Variants in COL4A2 observed in about 807,000 individuals in gnomAD.
COL4A2 encodes collagen alpha-2(IV) chain.
Under a neutral mutation model 200.2 loss-of-function variants are expected in COL4A2, and 99 were observed. That is an observed-to-expected ratio of 0.49 (90% CI 0.42 to 0.58). The LOEUF (loss-of-function observed/expected upper bound fraction) is 0.58. COL4A2 is among the 20% of genes least tolerant of loss of function. COL4A2 has a pLI of 0.00. For missense variants in COL4A2, 1,950 were observed against 2,314.1 expected (o/e 0.84, Z 3.23); for synonymous variants, 897 against 900.6 (o/e 1.00, Z 0.07).
intron 29 of COL4A2, among the ~76,000 whole-genome samples, chr13:110,477,350 G>T (rs1882741060): frequency 6.6e-6 from 1 of 152,262 alleles, no homozygotes; most frequent in African/African-American, 2.4e-5. Context: ...TTTTGCTTCA[G>T]TGCTAACGCT....
chr13:110,321,129 T>C (rs1323790723), intron 3 of COL4A2, among the ~76,000 whole-genome samples: 2 of 151,994 alleles, frequency 1.3e-5, no homozygotes, highest in Non-Finnish European at 2.9e-5. Context: ...AAGATAATCT[T>C]ACTAATGTCA....
chr13:110,391,859 G>C (rs1214556082), intron 4 of COL4A2, among the ~76,000 whole-genome samples: 1 of 152,196 alleles, frequency 6.6e-6, no homozygotes, highest in African/African-American at 2.4e-5. Flanking sequence ...TGGACTGCTG[G>C]TTCTCTTCAG....
At position 110,480,349 on chromosome 13, in the gene COL4A2, T is replaced by A. The variant is rs1337120386; in HGVS notation, c.2717T>A (p.Phe906Tyr). ...GEQGHPGSPG[F>Y]KGIDGMPGTP... ...CAAGGCCATCCAGGAAGCCCTGGATTTAAAGGAATTGATGGAATGCCTGGG... is the reference window on the plus strand; with the variant it reads ...CAAGGCCATCCAGGAAGCCCTGGATATAAAGGAATTGATGGAATGCCTGGG... The change falls in exon 31 of 48, where the codon TTT becomes TAT. Residue 906 changes from phenylalanine to tyrosine, a missense_variant. Phe to Tyr is a conservative substitution (Grantham distance 22, BLOSUM62 3). Transcript: ENST00000360467. 6.2e-7 allele frequency: 1 copy of A among 1,613,256 alleles called. No individual in the cohort carries two copies. Among genetic ancestry groups the A allele is most frequent in the African/African-American group, 1.3e-5 (1 of 74,842 alleles).
intron 6 of COL4A2, among the ~76,000 whole-genome samples, chr13:110,427,906 T>TA (rs1208358567): frequency 2.6e-5 from 4 of 152,238 alleles, no homozygotes; most frequent in African/African-American, 9.6e-5. Flanking sequence ...AGGCCATTGA[T>TA]AAAATCACGT....
At chr13:110,491,170 G>A (rs1883271117) in intron 36 of COL4A2, 63 bp from the exon 37 acceptor site, 2 of 1,167,962 alleles carry the variant, frequency 1.7e-6, no homozygotes, top group South Asian at 2.6e-5. Context: ...TAGAGCCGGG[G>A]TTCCAGGGAA....
chr13:110,320,772 G>A (rs1329345184), intron 3 of COL4A2, among the ~76,000 whole-genome samples: 2 of 152,142 alleles, frequency 1.3e-5, no homozygotes, highest in Admixed American at 6.5e-5. Flanking sequence ...CCTTTTTATA[G>A]CACCTTTCAA....
chr13:110,430,296 G>A, intron 8 of COL4A2, 105 bp from the exon 9 acceptor site: 1 of 1,466,090 alleles, frequency 6.8e-7, no homozygotes, highest in Non-Finnish European at 9.2e-7. Context: ...GGTCCTGATA[G>A]GGCTGATCTG....
At chr13:110,484,867 G>C (rs551438417) in intron 32 of COL4A2, 38 bp from the exon 33 acceptor site, 1 of 1,568,394 alleles carries the variant, frequency 6.4e-7, no homozygotes, top group East Asian at 2.3e-5. Context: ...GCGTGGTCTG[G>C]AGCCCCCAGA....
Position 110,512,357 on chromosome 13 carries a change from G to A in COL4A2, c.*166G>A. 8.2e-7 allele frequency: 1 copy of A among 1,224,010 alleles called. No individual in the cohort carries two copies. The highest frequency in any genetic ancestry group is 1.6e-5 in the South Asian group (1 of 61,260). The allele number at this position is 1,224,010 out of a possible 1,614,324, so 75.8% of individuals were successfully genotyped here. On this transcript the variant is annotated 3_prime_UTR_variant, in exon 48 of 48. Coordinates refer to ENST00000360467, the MANE Select transcript of COL4A2 (RefSeq NM_001846.4). The stretch of plus-strand genomic sequence containing the variant: ...ACCTGCCAGCCACTGTCACCGAGCG[G>A]GTGCAAGCACTCGGGGTCCCTGGAG...
intron 6 of COL4A2, among the ~76,000 whole-genome samples, chr13:110,428,103 T>C (rs1322692118): frequency 6.6e-6 from 1 of 152,220 alleles, no homozygotes; most frequent in African/African-American, 2.4e-5. Context: ...CTTCCTGTTA[T>C]CCCTGAGAAG....
At chr13:110,488,841 A>C (rs576253225) in intron 34 of COL4A2, among the ~76,000 whole-genome samples, 18 of 152,348 alleles carry the variant, frequency 1.2e-4, no homozygotes, top group South Asian at 4.1e-4. Context: ...CGCCGCTGAC[A>C]TCACCACACT....
intron 3 of COL4A2, among the ~76,000 whole-genome samples, chr13:110,350,997 G>A (rs1594162918): frequency 6.6e-6 from 1 of 152,028 alleles, no homozygotes; most frequent in Non-Finnish European, 1.5e-5. Flanking sequence ...CAAACTCTCT[G>A]TCCAGTGTCT....
At chr13:110,455,936 G>T (rs1881715522) in intron 20 of COL4A2, among the ~76,000 whole-genome samples, 1 of 152,148 alleles carries the variant, frequency 6.6e-6, no homozygotes, top group Admixed American at 6.5e-5. Context: ...AGTGCCATTT[G>T]CCCATTGGAG....
At chr13:110,474,707 ACT>A (rs1203159127) in intron 29 of COL4A2, among the ~76,000 whole-genome samples, 1 of 105,210 alleles carries the variant, frequency 9.5e-6, no homozygotes, top group Non-Finnish European at 2.1e-5. Context: ...GCCTGTGTAC[ACT>A]CACATGATCA....
intron 4 of COL4A2, among the ~76,000 whole-genome samples, chr13:110,417,681 T>C (rs758146853): frequency 1.1e-4 from 16 of 152,216 alleles, no homozygotes; most frequent in Non-Finnish European, 1.9e-4. Context: ...GTTTCGCCTT[T>C]TCTAGAATGT....
chr13:110,507,198 C>T (rs1366999708), intron 46 of COL4A2, among the ~76,000 whole-genome samples: 2 of 152,212 alleles, frequency 1.3e-5, no homozygotes, highest in Non-Finnish European at 1.5e-5. Flanking sequence ...TCTGCCTCCT[C>T]GGTGCAGGTT....
At chr13:110,346,325 T>C (rs1316703212) in intron 3 of COL4A2, among the ~76,000 whole-genome samples, 1 of 152,140 alleles carries the variant, frequency 6.6e-6, no homozygotes, top group Non-Finnish European at 1.5e-5. Context: ...AGCCATGGGT[T>C]AATAAATATA....
chr13:110,419,505 T>C (rs1006630289), intron 4 of COL4A2, among the ~76,000 whole-genome samples: 1 of 152,236 alleles, frequency 6.6e-6, no homozygotes, highest in African/African-American at 2.4e-5. Flanking sequence ...TTTGTTTAAG[T>C]CTGAAGCTGT....
At chr13:110,462,418 C>T in intron 24 of COL4A2, 34 bp downstream of exon 24, 1 of 1,604,512 alleles carries the variant, frequency 6.2e-7, no homozygotes, top group South Asian at 1.1e-5. Context: ...GCTCCGTCCT[C>T]TCTTCTTCAT....
Sources: gnomAD v4.1 joint callset for allele counts (sites outside exome capture counted in the v4.1 genomes callset) on GRCh38, gnomAD v4.1.1 for gene constraint, MANE v1.5 for transcripts, NCBI Gene and HGNC (gene_info 2026-07-23, HGNC 2026-07-21) for gene names.